KMO: variants seen among roughly 807,000 people sequenced by gnomAD.
KMO encodes the protein kynurenine 3-hydroxylase.
Under a neutral mutation model 57.8 loss-of-function variants are expected in KMO, and 24 were observed. The ratio of observed to expected loss-of-function variants is 0.42; its 90% CI spans 0.30 to 0.58. The LOEUF is 0.58. Among genes scored for constraint, KMO ranks in the 20% least tolerant of loss-of-function variants. The pLI, the probability that KMO is intolerant of heterozygous loss-of-function variation, is 0.22. For missense variants in KMO, 483 were observed against 588.2 expected, an observed-to-expected ratio of 0.82 and a Z score of 1.85; for synonymous variants, 210 against 193.6, an observed-to-expected ratio of 1.08 and a Z score of -0.70.
chr1:241,590,279 T>C lies in KMO; in HGVS notation c.1260+16T>C. 1 of 1,576,526 alleles carries C rather than the reference T, an allele frequency of 6.3e-7. No homozygotes were observed. The highest frequency in any genetic ancestry group is 2.2e-5 in the East Asian group (1 of 44,644). On this transcript the variant is annotated intron_variant, in intron 14 of 14. Transcript: ENST00000366559. ...GCAAAAAAAGGTTGGAACAGTTACA[T>C]TTTATTTATTTTTTAATGTGGTGTT... is the stretch of plus-strand genomic sequence containing the variant.
At chr1:241,539,950 C>T (rs1392944288) in intron 1 of KMO, among the ~76,000 whole-genome samples, 1 of 152,128 alleles carries the variant, frequency 6.6e-6, no homozygotes, top group East Asian at 1.9e-4. Context: ...ACTTGAATAT[C>T]CAAATATAAG....
chr1:241,576,078 AC>A (rs1226835549), intron 10 of KMO, among the ~76,000 whole-genome samples: 1 of 149,086 alleles, frequency 6.7e-6, no homozygotes, highest in African/African-American at 2.5e-5. Context: ...TATAATAGCT[AC>A]CCCTGCTTGC....
chr1:241,552,035 C>T (rs984875487), intron 4 of KMO, among the ~76,000 whole-genome samples: 1 of 152,276 alleles, frequency 6.6e-6, no homozygotes. Flanking sequence ...ATAGCCGCCC[C>T]CGCTTCAGAG....
chr1:241,543,279 C>T (rs1661020922), intron 1 of KMO, among the ~76,000 whole-genome samples: 1 of 152,014 alleles, frequency 6.6e-6, no homozygotes, highest in Non-Finnish European at 1.5e-5. Context: ...ATAGTTTTAT[C>T]CTATATTATT....
chr1:241,583,451 G>A (rs1031990744), intron 10 of KMO, among the ~76,000 whole-genome samples: 2 of 152,176 alleles, frequency 1.3e-5, no homozygotes, highest in African/African-American at 4.8e-5. Context: ...GGAATCAGGG[G>A]CTTCAGGAAA....
intron 4 of KMO, among the ~76,000 whole-genome samples, chr1:241,552,235 G>A (rs1558416537): frequency 1.3e-5 from 2 of 151,998 alleles, no homozygotes; most frequent in Non-Finnish European, 2.9e-5. Context: ...GAGTGAAAGC[G>A]TTGGTGTGAG....
At chr1:241,538,791 C>T (rs1660840518) in intron 1 of KMO, among the ~76,000 whole-genome samples, 1 of 152,164 alleles carries the variant, frequency 6.6e-6, no homozygotes, top group Non-Finnish European at 1.5e-5. Context: ...CTCAGAGATT[C>T]CTTCATTTGC....
intron 10 of KMO, chr1:241,586,444 CTCA>C: frequency 7.0e-6 from 3 of 431,340 alleles, no homozygotes; most frequent in Non-Finnish European, 1.3e-5. Context: ...AAGCGATCCG[CTCA>C]CCTCGGCCTC....
intron 5 of KMO, among the ~76,000 whole-genome samples, chr1:241,558,790 A>AT (rs1661731880): frequency 6.8e-6 from 1 of 147,670 alleles, no homozygotes; most frequent in Non-Finnish European, 1.5e-5. Context: ...AAAAAAAAAA[A>AT]GCAGCAGGTG....
rs749835501 is a variant in KMO, at chr1:241,594,657, C to A, written c.*2504C>A. 6.2e-7 allele frequency: 1 copy of A among 1,613,858 alleles called. No homozygotes were observed. The highest frequency in any genetic ancestry group is 2.2e-5 in the East Asian group (1 of 44,868). Reference sequence around the variant, plus strand: ...AGCAGGCCTCTGGCACCTCAGCAGTCGGAGGCACAGAAGCTGCAAAAGGGA... The same window carrying A: ...AGCAGGCCTCTGGCACCTCAGCAGTAGGAGGCACAGAAGCTGCAAAAGGGA... On this transcript the variant is annotated 3_prime_UTR_variant, in exon 15 of 15. Coordinates refer to ENST00000366559, the MANE Select transcript of KMO (RefSeq NM_003679.5).
At chr1:241,571,145 T>C (rs1662263672) in intron 10 of KMO, among the ~76,000 whole-genome samples, 2 of 151,948 alleles carry the variant, frequency 1.3e-5, no homozygotes. Context: ...GTAACTTTAC[T>C]AAATTTGTTT....
intron 10 of KMO, among the ~76,000 whole-genome samples, chr1:241,579,925 G>A (rs1282840122): frequency 6.6e-6 from 1 of 152,136 alleles, no homozygotes; most frequent in Non-Finnish European, 1.5e-5. Flanking sequence ...ACCTCCCTTG[G>A]TTTGTACTGG....
intron 7 of KMO, among the ~76,000 whole-genome samples, chr1:241,562,807 C>G (rs1419320742): frequency 6.6e-6 from 1 of 151,680 alleles, no homozygotes; most frequent in East Asian, 1.9e-4. Context: ...CCAATGCACT[C>G]TATCCTGAGC....
intron 2 of KMO, among the ~76,000 whole-genome samples, chr1:241,549,165 A>T (rs1458356890): frequency 6.6e-6 from 1 of 150,948 alleles, no homozygotes; most frequent in Non-Finnish European, 1.5e-5. Flanking sequence ...CAAGACCCAA[A>T]GAAAGAGAGA....
At chr1:241,552,188 GAGAGAGAGAGAA>G (rs997783505) in intron 4 of KMO, among the ~76,000 whole-genome samples, 6 of 108,610 alleles carry the variant, frequency 5.5e-5, no homozygotes, top group African/African-American at 1.7e-4. Context: ...GAGAGAGAGA[GAGAGAGAGAGAA>G]AGAGCGTGCA....
At chr1:241,561,875 T>C (rs1439478028) in intron 6 of KMO, among the ~76,000 whole-genome samples, 1 of 152,148 alleles carries the variant, frequency 6.6e-6, no homozygotes, top group African/African-American at 2.4e-5. Flanking sequence ...ACTTGCCCTG[T>C]TTTCAAGATT....
chr1:241,534,479 A>G (rs1660686995), intron 1 of KMO, among the ~76,000 whole-genome samples: 1 of 152,254 alleles, frequency 6.6e-6, no homozygotes, highest in South Asian at 2.1e-4. Context: ...TTAGGGAGCA[A>G]CTAAAATTCC....
At chr1:241,556,055 C>G (rs1197530205) in intron 5 of KMO, among the ~76,000 whole-genome samples, 1 of 152,084 alleles carries the variant, frequency 6.6e-6, no homozygotes, top group African/African-American at 2.4e-5. Flanking sequence ...GATTGTGCCA[C>G]TGCACTCCCA....
chr1:241,549,937 G>A, intron 3 of KMO, 163 bp downstream of exon 3: 2 of 578,790 alleles, frequency 3.5e-6, no homozygotes, highest in Admixed American at 3.2e-5. Flanking sequence ...GCAAGAGGGT[G>A]AACATTGGAC....
Sources: gnomAD v4.1 joint callset for allele counts (sites outside exome capture counted in the v4.1 genomes callset) on GRCh38, gnomAD v4.1.1 for gene constraint, MANE v1.5 for transcripts, NCBI Gene and HGNC (gene_info 2026-07-23, HGNC 2026-07-21) for gene names.